GRSF1: variants seen among roughly 807,000 people sequenced by gnomAD.
GRSF1 encodes G-rich sequence factor 1.
A neutral mutation model predicts 51.1 loss-of-function variants in GRSF1; 50 were observed. The observed-to-expected ratio is 0.98, with a 90% CI of 0.78 to 1.24. The LOEUF (loss-of-function observed/expected upper bound fraction) is 1.24, where lower values mean the gene tolerates loss of function less well. Ranked by LOEUF, GRSF1 falls within the 50% of genes most tolerant of loss-of-function variation. The probability of loss-of-function intolerance (pLI) is 0.00; values close to 1 mark genes in which losing one functional copy is unlikely to be tolerated. For missense variants in GRSF1, 700 were observed against 639.7 expected (o/e 1.09, Z -1.02); for synonymous variants, 293 against 253.3 (o/e 1.16, Z -1.49).
In GRSF1 at chr4:70,825,423, A is replaced by C. The variant is rs1457596294; in HGVS notation, c.1266T>G (p.Ala422=). The change falls in exon 8 of 10, where the codon GCT becomes GCG. Residue 422 remains alanine, a synonymous_variant. Transcript: ENST00000254799. ...TGGTGATTCTAACAGGCTTGAGTGG[A>C]GCAAAAAACTAAACGACAAACAAAG... ...ANAQDIINFF[A]PLKPVRITME... is the part of the protein sequence containing the mutation. 6.2e-7 allele frequency: 1 copy of C among 1,607,294 alleles called. No individual in the cohort carries two copies. The highest frequency in any genetic ancestry group is 8.5e-7 in the Non-Finnish European group (1 of 1,175,826).
intron 5 of GRSF1, among the ~76,000 whole-genome samples, chr4:70,831,086 G>A (rs1295092276): frequency 7.2e-5 from 11 of 152,140 alleles, no homozygotes; most frequent in South Asian, 2.1e-4. Flanking sequence ...AGCCGGATGC[G>A]GTGGCTCACG....
intron 1 of GRSF1, among the ~76,000 whole-genome samples, chr4:70,838,021 G>A (rs975788945): frequency 1.3e-5 from 2 of 151,520 alleles, no homozygotes; most frequent in African/African-American, 4.8e-5. Context: ...CACGAGGTCA[G>A]GAGATCGAGA....
rs557793598 is a variant in GRSF1, at chr4:70,831,812, T to C, written c.815-138A>G. The C allele has an allele frequency of 8.9e-4, 578 of 650,728 alleles. 2 individuals are homozygous for C. The highest frequency in any genetic ancestry group is 1.3e-3 in the Non-Finnish European group (509 of 407,044). The allele number at this position is 650,728 out of a possible 1,614,324, so 40.3% of individuals were successfully genotyped here. ...AATACATGCTTGACAGGAAGAAAAT[T>C]ATTATGCAGTCAAAAGTCAGTCAAC... On this transcript the variant is annotated intron_variant, in intron 4 of 9. Coordinates refer to ENST00000254799, the MANE Select transcript of GRSF1 (RefSeq NM_002092.4).
At chr4:70,822,592 AAAAAAAAAAAAAAC>A (rs780047426) in intron 9 of GRSF1, among the ~76,000 whole-genome samples, 273 of 22,582 alleles carry the variant, frequency 0.012, 1 homozygote, top group East Asian at 0.047. Context: ...TCAAAAAAAA[AAAAAAAAAAAAAAC>A]AAAAGTAACC....
rs539288898 is a variant in GRSF1 at position 70,830,287 on chromosome 4, C to CACAT, written c.950+1248_950+1251dup. ...AAACACACACGCACGCACGCACACA[C>CACAT]ACATACACACAGCCAGGTGTGGCGG... On this transcript the variant is annotated intron_variant, in intron 5 of 9. Coordinates refer to ENST00000254799, the MANE Select transcript of GRSF1 (RefSeq NM_002092.4). Among the ~76,000 whole-genome samples the CACAT allele has an allele frequency of 3.3e-5, 5 of 152,174 alleles. No homozygotes were observed. In the South Asian group the frequency reaches 1.0e-3, roughly 32 times the overall value.
At chr4:70,829,824 G>T (rs1020929) in intron 5 of GRSF1, among the ~76,000 whole-genome samples, 1 of 151,986 alleles carries the variant, frequency 6.6e-6, no homozygotes, top group East Asian at 1.9e-4. Flanking sequence ...AAAAACCTTT[G>T]AACCACTTCT....
Position 70,831,546 on chromosome 4 carries a change from C to T in GRSF1, c.943G>A (p.Gly315Ser), listed in dbSNP as rs1358857475. ...QALLKHREEI[G>S]NRYIEIFPSR... Reference sequence around the variant, plus strand: ...AGTATCTGCTTTACTCACCGATTACCAATTTCTTCCCTGTGTTTCAACAGG... The same window carrying T: ...AGTATCTGCTTTACTCACCGATTACTAATTTCTTCCCTGTGTTTCAACAGG... The change falls in exon 5 of 10, where the codon GGT becomes AGT. Residue 315 changes from glycine to serine, a missense_variant. Physicochemically the swap from Gly to Ser is moderately conservative, Grantham distance 56. Transcript: ENST00000254799. 6.2e-7 allele frequency: 1 copy of T among 1,612,956 alleles called. No individual in the cohort carries two copies. Among genetic ancestry groups the T allele is most frequent in the East Asian group, 2.2e-5 (1 of 44,846 alleles).
At chr4:70,831,437 T>C in intron 5 of GRSF1, 102 bp downstream of exon 5, 1 of 1,061,106 alleles carries the variant, frequency 9.4e-7, no homozygotes, top group Non-Finnish European at 1.4e-6. Flanking sequence ...CTACTCTCTC[T>C]ACTTTTCTAT....
chr4:70,830,515 C>T (rs960427471), intron 5 of GRSF1, among the ~76,000 whole-genome samples: 5 of 150,894 alleles, frequency 3.3e-5, no homozygotes, highest in Non-Finnish European at 7.4e-5. Flanking sequence ...AGTGTGTAGA[C>T]CTTATCTGGA....
intron 5 of GRSF1, 96 bp downstream of exon 5, chr4:70,831,443 T>C (rs1421123698): frequency 8.9e-7 from 1 of 1,128,520 alleles, no homozygotes; most frequent in Non-Finnish European, 1.3e-6. Flanking sequence ...TCTCTACTTT[T>C]CTATGTTTGG....
In GRSF1 at chr4:70,831,689, G is replaced by T. The variant is rs984703276; in HGVS notation, c.815-15C>A. ...TATATTCAGTCCTAGGACACCAAGAGATTTTAATGCTACTAGCAGGCTTTT... is the reference window on the plus strand; with the variant it reads ...TATATTCAGTCCTAGGACACCAAGATATTTTAATGCTACTAGCAGGCTTTT... On this transcript the variant is annotated splice_polypyrimidine_tract_variant and intron_variant, in intron 4 of 9. Coordinates refer to ENST00000254799, the MANE Select transcript of GRSF1 (RefSeq NM_002092.4). 3 of 1,596,894 alleles carry T rather than the reference G, an allele frequency of 1.9e-6. No individual in the cohort carries two copies. The East Asian group carries it at 6.8e-5, about 36-fold the overall frequency.
chr4:70,828,861 C>T (rs1733842351), intron 5 of GRSF1, among the ~76,000 whole-genome samples: 1 of 152,014 alleles, frequency 6.6e-6, no homozygotes, highest in South Asian at 2.1e-4. Context: ...CCTCAGCCTC[C>T]TGAGTAGCTG....
Position 70,819,693 on chromosome 4 carries a change from G to C in GRSF1, c.*1194C>G, listed in dbSNP as rs1733432298. On this transcript the variant is annotated 3_prime_UTR_variant, in exon 10 of 10. Transcript: ENST00000254799. Reference sequence around the variant, plus strand: ...AAATTTAATTTTAAGAACTAGAACTGCATCTCCTGGTGGCAGTCGTCACCC... The same window carrying C: ...AAATTTAATTTTAAGAACTAGAACTCCATCTCCTGGTGGCAGTCGTCACCC... 6.6e-6 allele frequency: 1 copy of C among 152,602 alleles called. No individual in the cohort carries two copies. Among genetic ancestry groups the C allele is most frequent in the African/African-American group, 2.4e-5 (1 of 41,448 alleles). The allele number at this position is 152,602 out of a possible 1,614,324, so 9.5% of individuals were successfully genotyped here.
At chr4:70,835,944 C>A (rs959806824) in intron 2 of GRSF1, among the ~76,000 whole-genome samples, 9 of 152,108 alleles carry the variant, frequency 5.9e-5, no homozygotes, top group African/African-American at 2.2e-4. Flanking sequence ...CGTTACATAC[C>A]GCAAACAGCA....
chr4:70,830,475 C>CAG (rs1224829147), intron 5 of GRSF1, among the ~76,000 whole-genome samples: 2 of 150,078 alleles, frequency 1.3e-5, no homozygotes, highest in African/African-American at 4.9e-5. Flanking sequence ...CACACACACA[C>CAG]AGAGAATTAT....
rs75517390 is a variant in GRSF1 at position 70,830,446 on chromosome 4, T to TAA, written c.950+1091_950+1092dup. 4.1e-3 allele frequency among the ~76,000 whole-genome samples: 517 copies of TAA among 124,834 alleles called. 3 individuals are homozygous for TAA. Among genetic ancestry groups the TAA allele is most frequent in the African/African-American group, 0.014 (478 of 34,182 alleles). 81.9% of individuals were successfully genotyped at this position (124,834 alleles called of 152,430 possible). A position where few individuals can be genotyped will look rare whatever the true frequency, so the allele number is the denominator to read the frequency against. The stretch of plus-strand genomic sequence containing the variant: ...GGTGACAGAATAAGACCCTGTGTCT[T>TAA]AAAAAAAAAAAAAAAACACACACAC... On this transcript the variant is annotated intron_variant, in intron 5 of 9. Transcript: ENST00000254799.
At chr4:70,838,611 T>C (rs1191714432) in intron 1 of GRSF1, among the ~76,000 whole-genome samples, 2 of 152,150 alleles carry the variant, frequency 1.3e-5, no homozygotes, top group Non-Finnish European at 2.9e-5. Flanking sequence ...AGTTAAAAAG[T>C]GTGCAGACAC....
At chr4:70,823,222 C>A (rs1457730924) in intron 9 of GRSF1, among the ~76,000 whole-genome samples, 1 of 151,958 alleles carries the variant, frequency 6.6e-6, no homozygotes, top group African/African-American at 2.4e-5. Flanking sequence ...CATGGAGAAA[C>A]CCCGTCTCTA....
chr4:70,835,171 C>T (rs979543826), intron 2 of GRSF1, among the ~76,000 whole-genome samples: 7 of 151,346 alleles, frequency 4.6e-5, no homozygotes, highest in African/African-American at 2.4e-5. Context: ...CAGCCGGGCA[C>T]GGTGGCTCAC....
Sources: gnomAD v4.1 joint callset for allele counts (sites outside exome capture counted in the v4.1 genomes callset) on GRCh38, gnomAD v4.1.1 for gene constraint, MANE v1.5 for transcripts, NCBI Gene and HGNC (gene_info 2026-07-23, HGNC 2026-07-21) for gene names.